The following DLGAP2 variants were observed in gnomAD, a reference collection of about 807,000 sequenced individuals.
DLGAP2 encodes disks large-associated protein 2.
In DLGAP2, 26 loss-of-function variants were observed where a neutral mutation model predicts 100.3. That is an observed-to-expected ratio of 0.26 (90% CI 0.19 to 0.36). The LOEUF (loss-of-function observed/expected upper bound fraction) is 0.36. DLGAP2 is among the 10% of genes least tolerant of loss of function. DLGAP2 has a pLI of 1.00. For synonymous variants in DLGAP2, 886 were observed against 630.1 expected, an observed-to-expected ratio of 1.41 and a Z score of -6.08; for missense variants, 1,858 against 1,453.2, an observed-to-expected ratio of 1.28 and a Z score of -4.53.
At chr8:1,216,441 T>A (rs1165370740) in intron 2 of DLGAP2, among the ~76,000 whole-genome samples, 1 of 151,926 alleles carries the variant, frequency 6.6e-6, no homozygotes, top group African/African-American at 2.4e-5. Context: ...CTTGAACTCC[T>A]GGGCTCAGGA....
At chr8:1,409,867 C>A (rs938192635) in intron 3 of DLGAP2, among the ~76,000 whole-genome samples, 1 of 152,204 alleles carries the variant, frequency 6.6e-6, no homozygotes, top group African/African-American at 2.4e-5. Context: ...AGTGCCGGGG[C>A]CTTCGGGCTT....
chr8:1,106,711 G>T (rs1415419636), intron 2 of DLGAP2, among the ~76,000 whole-genome samples: 1 of 150,490 alleles, frequency 6.6e-6, no homozygotes, highest in Non-Finnish European at 1.5e-5. Flanking sequence ...TTCTAGGAGG[G>T]TTTTCTATTG....
intron 3 of DLGAP2, among the ~76,000 whole-genome samples, chr8:1,344,195 C>T (rs5028023): frequency 0.4 from 47,440 of 118,504 alleles, 10,813 homozygotes; most frequent in East Asian, 0.62. Flanking sequence ...GGTCCGTGTA[C>T]TCGGGGCCCT....
At chr8:986,477 T>G (rs896212355) in intron 2 of DLGAP2, among the ~76,000 whole-genome samples, 2 of 152,158 alleles carry the variant, frequency 1.3e-5, no homozygotes, top group African/African-American at 4.8e-5. Flanking sequence ...TATCTAGTGT[T>G]AAGTGTTGCA....
At chr8:1,073,949 G>A (rs372922587) in intron 2 of DLGAP2, among the ~76,000 whole-genome samples, 4 of 148,284 alleles carry the variant, frequency 2.7e-5, no homozygotes, top group African/African-American at 9.9e-5. Flanking sequence ...TTGCAGCAGA[G>A]TGAGGCTGAA....
chr8:1,067,806 A>C (rs960024603), intron 2 of DLGAP2, among the ~76,000 whole-genome samples: 11 of 151,872 alleles, frequency 7.2e-5, no homozygotes, highest in Admixed American at 6.5e-4. Flanking sequence ...ACGACACGTC[A>C]TCCTCACCCG....
rs1406663373 is a variant in DLGAP2 at position 1,702,293 on chromosome 8, GA to G, written c.*888del. 1 of 151,880 alleles carries G rather than the reference GA, an allele frequency of 6.6e-6. No individual in the cohort carries two copies. The highest frequency in any genetic ancestry group is 1.5e-5 in the Non-Finnish European group (1 of 67,978). 9.4% of individuals were successfully genotyped at this position (151,880 alleles called of 1,614,324 possible). On this transcript the variant is annotated 3_prime_UTR_variant, in exon 15 of 15. Transcript: ENST00000637795. ...AAGTTTCACCATTTACGCTACATGT[GA>G]TTTTTTTAATGTATGTATATATATA...
intron 2 of DLGAP2, among the ~76,000 whole-genome samples, chr8:1,256,911 G>A (rs1799235150): frequency 6.6e-6 from 1 of 152,108 alleles, no homozygotes; most frequent in Admixed American, 6.5e-5. Context: ...TGGTGGCTGG[G>A]ATAGAGGTGG....
chr8:1,471,567 T>G (rs1167423774), intron 3 of DLGAP2, among the ~76,000 whole-genome samples: 1 of 87,744 alleles, frequency 1.1e-5, no homozygotes, highest in Non-Finnish European at 2.3e-5. Flanking sequence ...TGCGACGCCC[T>G]CCCCTCCCCA....
chr8:774,997 C>A (rs1360914248), intron 1 of DLGAP2, among the ~76,000 whole-genome samples: 1 of 151,840 alleles, frequency 6.6e-6, no homozygotes, highest in East Asian at 1.9e-4. Context: ...AATGTTCTTC[C>A]ATTTGTTTGT....
chr8:849,831 A>G (rs931759841), intron 1 of DLGAP2, among the ~76,000 whole-genome samples: 1 of 152,200 alleles, frequency 6.6e-6, no homozygotes, highest in African/African-American at 2.4e-5. Flanking sequence ...AAATCCCAGC[A>G]CTTTGGGAGG....
chr8:803,563 C>T (rs1377229417), intron 1 of DLGAP2, among the ~76,000 whole-genome samples: 1 of 151,890 alleles, frequency 6.6e-6, no homozygotes, highest in Non-Finnish European at 1.5e-5. Flanking sequence ...GAGATGCCCA[C>T]CGAGAAGCAT....
intron 1 of DLGAP2, among the ~76,000 whole-genome samples, chr8:758,967 A>ACAGCCTTCCCATTATCAATAC (rs1820989371): frequency 1.7e-5 from 1 of 60,214 alleles, no homozygotes; most frequent in African/African-American, 6.9e-5. Flanking sequence ...ATTATCAATA[A>ACAGCCTTCCCATTATCAATAC]CCCCCACAAC....
intron 2 of DLGAP2, among the ~76,000 whole-genome samples, chr8:1,165,784 C>T (rs1017948698): frequency 6.6e-6 from 1 of 151,654 alleles, no homozygotes; most frequent in Non-Finnish European, 1.5e-5. Context: ...GTTTGTATCT[C>T]CTCCTGTTAC....
intron 6 of DLGAP2, among the ~76,000 whole-genome samples, chr8:1,569,711 G>T (rs1430527542): frequency 6.6e-6 from 1 of 152,232 alleles, no homozygotes; most frequent in African/African-American, 2.4e-5. Context: ...GGGAAATGAG[G>T]TGCTGGAGGC....
intron 6 of DLGAP2, among the ~76,000 whole-genome samples, chr8:1,584,374 C>G (rs115817310): frequency 1.3e-5 from 2 of 152,204 alleles, no homozygotes; most frequent in Admixed American, 1.3e-4. Context: ...CGGGAGCAGA[C>G]GCCAGACTCC....
intron 8 of DLGAP2, among the ~76,000 whole-genome samples, chr8:1,651,369 C>A (rs537659126): frequency 6.6e-6 from 1 of 152,164 alleles, no homozygotes; most frequent in Non-Finnish European, 1.5e-5. Context: ...AGTTCCAAAT[C>A]CCGAGGTTCC....
chr8:1,543,338 C>A (rs1801425964), intron 4 of DLGAP2, among the ~76,000 whole-genome samples: 1 of 152,216 alleles, frequency 6.6e-6, no homozygotes, highest in Non-Finnish European at 1.5e-5. Context: ...CCTTTTCTGT[C>A]TTTAAGCCAC....
At chr8:1,168,966 T>G (rs1797072560) in intron 2 of DLGAP2, among the ~76,000 whole-genome samples, 1 of 145,588 alleles carries the variant, frequency 6.9e-6, no homozygotes, top group Non-Finnish European at 1.5e-5. Flanking sequence ...CATGCCTATG[T>G]CCTGAATGGT....
Sources: allele counts gnomAD v4.1 joint callset (sites outside exome capture counted in the v4.1 genomes callset), GRCh38; gene constraint gnomAD v4.1.1; transcripts MANE v1.5; gene names NCBI Gene and HGNC (gene_info 2026-07-23, HGNC 2026-07-21).